The following SPIRE2 variants were observed in gnomAD, a reference collection of about 807,000 sequenced individuals.
The protein encoded by SPIRE2 is spire type actin nucleation factor 2.
SPIRE2 carries 76 observed loss-of-function variants against 80.7 expected under a neutral mutation model. The ratio of observed to expected loss-of-function variants is 0.94; its 90% CI spans 0.78 to 1.14. The LOEUF (loss-of-function observed/expected upper bound fraction) is 1.14, where lower values mean the gene tolerates loss of function less well. Among genes scored for constraint, SPIRE2 ranks in the 50% most tolerant of loss-of-function variants. The pLI, the probability that SPIRE2 is intolerant of heterozygous loss-of-function variation, is 0.00. For missense variants in SPIRE2, 1,196 were observed against 1,015.3 expected, an observed-to-expected ratio of 1.18 and a Z score of -2.42; for synonymous variants, 535 against 432.6, an observed-to-expected ratio of 1.24 and a Z score of -2.94.
chr16:89,861,660 T>C (rs1251183099), intron 10 of SPIRE2, among the ~76,000 whole-genome samples: 1 of 152,224 alleles, frequency 6.6e-6, no homozygotes. Flanking sequence ...TGTGTGGCCA[T>C]GGCTCAGGGT....
rs183840174 is a variant in SPIRE2 at position 89,857,200 on chromosome 16, C to T, written c.1102+964C>T. On this transcript the variant is annotated intron_variant, in intron 7 of 14. Coordinates refer to ENST00000378247, the MANE Select transcript of SPIRE2 (RefSeq NM_032451.2). The stretch of plus-strand genomic sequence containing the variant: ...CACCCCGGCTGTAGTGCAGTGGCAC[C>T]ATTATAGTTCACTGCAGCCTCAACC... 6.7e-3 allele frequency among the ~76,000 whole-genome samples: 1,001 copies of T among 149,148 alleles called. 9 individuals are homozygous for T. Among genetic ancestry groups the T allele is most frequent in the Admixed American group, 0.016 (235 of 14,948 alleles).
chr16:89,870,251 C>T lies in SPIRE2; in HGVS notation c.2124C>T (p.Thr708=). 1 of 1,598,876 alleles carries T rather than the reference C, an allele frequency of 6.3e-7. No individual in the cohort carries two copies. Among genetic ancestry groups the T allele is most frequent in the South Asian group, 1.1e-5 (1 of 88,672 alleles). Reference sequence around the variant, plus strand: ...CCCAATCCCTCTACATCCCTAACACCAGGACTCTTGACTTCAAGTGACAGC... The same window carrying T: ...CCCAATCCCTCTACATCCCTAACACTAGGACTCTTGACTTCAAGTGACAGC... ...RQTQSLYIPN[T]RTLDFK Residue 708 remains threonine (T), a synonymous_variant, in exon 15 of 15, where the codon ACC becomes ACT. Transcript: ENST00000378247.
rs915244572 is a variant in SPIRE2, at chr16:89,831,003, G to A, written c.244+2209G>A. 4.7e-5 allele frequency among the ~76,000 whole-genome samples: 7 copies of A among 148,070 alleles called. 1 individual carries two copies. The highest frequency in any genetic ancestry group is 1.7e-4 in the African/African-American group (7 of 40,662). ...CTGCTCACTGCAAGCTCCACCTCCC[G>A]GGTTCACGCCATTCTCCTGCCTCAG... On this transcript the variant is annotated intron_variant, in intron 1 of 14. Transcript: ENST00000378247.
chr16:89,850,408 C>T lies in SPIRE2; in HGVS notation c.393C>T (p.Leu131=). The T allele has an allele frequency of 6.3e-7, 1 of 1,594,538 alleles. No homozygotes were observed. Among genetic ancestry groups the T allele is most frequent in the Non-Finnish European group, 8.5e-7 (1 of 1,171,988 alleles). ...CTCAGCTGGAGCGGCTCATCGACCT[C>T]ATGGCCAACAACGACAGCGAGGACA... ...LSPQLERLID[L]MANNDSEDSG... is the part of the protein sequence containing the mutation. The change falls in exon 3 of 15, where the codon CTC becomes CTT. Residue 131 remains leucine (L), a synonymous_variant. Coordinates refer to ENST00000378247, the MANE Select transcript of SPIRE2 (RefSeq NM_032451.2).
chr16:89,851,519 C>G (rs370499539), intron 3 of SPIRE2, among the ~76,000 whole-genome samples: 1 of 152,134 alleles, frequency 6.6e-6, no homozygotes, highest in African/African-American at 2.4e-5. Context: ...GACCCTTGCC[C>G]GAAGCCACAA....
chr16:89,850,494 G>C lies in SPIRE2; in HGVS notation c.479G>C (p.Gly160Ala), dbSNP rs1309832452. ...GGPEEEEEAE[G>A]VPRSVRTFAQ... ...CCCGAGGAGGAGGAGGAGGCCGAGG[G>C]CGTCCCCCGCAGCGTGCGCACCTTT... Residue 160 changes from glycine to alanine, a missense_variant, in exon 3 of 15, where the codon GGC (glycine) becomes GCC (alanine). Physicochemically the swap from Gly to Ala is moderately conservative, Grantham distance 60 (BLOSUM62 0). Coordinates refer to ENST00000378247, the MANE Select transcript of SPIRE2 (RefSeq NM_032451.2). 2 of 1,531,008 alleles carry C rather than the reference G, an allele frequency of 1.3e-6. No individual in the cohort carries two copies. The highest frequency in any genetic ancestry group is 1.8e-6 in the Non-Finnish European group (2 of 1,141,346). The allele number at this position is 1,531,008 out of a possible 1,614,324, so 94.8% of individuals were successfully genotyped here. A position where few individuals can be genotyped will look rare whatever the true frequency, so the allele number is the denominator to read the frequency against.
At chr16:89,845,185 C>A (rs1598222432) in intron 1 of SPIRE2, 137 bp from the exon 2 acceptor site, 1 of 790,812 alleles carries the variant, frequency 1.3e-6, no homozygotes, top group Non-Finnish European at 2.2e-6. Flanking sequence ...AGTGGCTGGG[C>A]CTGCTGTGAG....
At chr16:89,856,341 G>A (rs772218352) in intron 7 of SPIRE2, 105 bp downstream of exon 7, 41 of 1,280,002 alleles carry the variant, frequency 3.2e-5, no homozygotes, top group Non-Finnish European at 3.9e-5. Context: ...CCCTGAGGGC[G>A]CCTGAACCCA....
chr16:89,847,335 G>A (rs1430987189), intron 2 of SPIRE2, among the ~76,000 whole-genome samples: 3 of 152,178 alleles, frequency 2.0e-5, no homozygotes, highest in Non-Finnish European at 2.9e-5. Context: ...TCCGGTTGTC[G>A]TGTGTCTCAC....
chr16:89,859,347 A>G lies in SPIRE2; in HGVS notation c.1455A>G (p.Arg485=). The part of the protein sequence containing the change: ...GSAHVWRPGS[R]DQGTCPASVS... Reference sequence around the variant, plus strand: ...CGCATGTGTGGAGGCCCGGCTCCCGAGACCAGGGCAAGTGCTGCTTCTCAC... The same window carrying G: ...CGCATGTGTGGAGGCCCGGCTCCCGGGACCAGGGCAAGTGCTGCTTCTCAC... The change falls in exon 9 of 15, where the codon CGA becomes CGG. Residue 485 remains arginine (R), a synonymous_variant. Transcript: ENST00000378247. The G allele has an allele frequency of 6.4e-7, 1 of 1,561,296 alleles. No individual in the cohort carries two copies. Among genetic ancestry groups the G allele is most frequent in the Non-Finnish European group, 8.6e-7 (1 of 1,158,674 alleles).
Position 89,840,496 on chromosome 16 carries a change from G to A in SPIRE2, c.245-4826G>A, listed in dbSNP as rs181942928. On this transcript the variant is annotated intron_variant, in intron 1 of 14. Coordinates refer to ENST00000378247, the MANE Select transcript of SPIRE2 (RefSeq NM_032451.2). ...GATCTCCTGACCTTGGGATCCGCCCGCCTCGGCCTCCCAAAGTGCTGGATT... is the reference window on the plus strand; with the variant it reads ...GATCTCCTGACCTTGGGATCCGCCCACCTCGGCCTCCCAAAGTGCTGGATT... Among the ~76,000 whole-genome samples the A allele has an allele frequency of 1.1e-3, 173 of 151,320 alleles. No individual in the cohort carries two copies. In the South Asian group the frequency reaches 0.011, roughly 10 times the overall value.
At chr16:89,858,297 C>G in intron 7 of SPIRE2, 41 bp from the exon 8 acceptor site, 1 of 1,518,588 alleles carries the variant, frequency 6.6e-7, no homozygotes, top group Non-Finnish European at 8.8e-7. Flanking sequence ...TGCTGTCTCC[C>G]CGTTCACTGG....
At chr16:89,844,978 GGCTGCTCTCCAGCCCTGACTC>G (rs1338962806) in intron 1 of SPIRE2, among the ~76,000 whole-genome samples, 2 of 152,210 alleles carry the variant, frequency 1.3e-5, no homozygotes, top group East Asian at 3.8e-4. Context: ...GGGACCTGTT[GGCTGCTCTCCAGCCCTGACTC>G]GCCTTTGAGT....
intron 1 of SPIRE2, among the ~76,000 whole-genome samples, chr16:89,831,900 C>T (rs181819667): frequency 7.1e-6 from 1 of 140,070 alleles, no homozygotes; most frequent in East Asian, 1.9e-4. Flanking sequence ...GATGTCTAAG[C>T]CTTCCCAACC....
intron 3 of SPIRE2, among the ~76,000 whole-genome samples, chr16:89,851,903 T>C (rs2041631547): frequency 6.6e-6 from 1 of 152,044 alleles, no homozygotes; most frequent in Non-Finnish European, 1.5e-5. Flanking sequence ...GGAAGGTTCC[T>C]GGCCAGCTTC....
At position 89,863,814 on chromosome 16, in the gene SPIRE2, C is replaced by T. The variant is rs1320646945; in HGVS notation, c.1731C>T (p.Ala577=). Residue 577 remains alanine (A), a synonymous_variant, in exon 12 of 15, where the codon GCC becomes GCT. Transcript: ENST00000378247. The surrounding 1 kb of genome is among the most constrained non-coding windows in gnomAD (Gnocchi z 4.3). The stretch of plus-strand genomic sequence containing the variant: ...GACAGATTTGCTGCTGCTGCCGGGC[C>T]AAGTTCCCGCTGTTCTCGTGGCCGC... ...KKGKICCCCR[A]KFPLFSWPPS... The T allele has an allele frequency of 6.2e-7, 1 of 1,614,056 alleles. No homozygotes were observed. The highest frequency in any genetic ancestry group is 2.2e-5 in the East Asian group (1 of 44,874).
intron 1 of SPIRE2, among the ~76,000 whole-genome samples, chr16:89,833,595 C>T (rs1375538539): frequency 4.6e-5 from 7 of 152,248 alleles, no homozygotes; most frequent in Non-Finnish European, 7.3e-5. Context: ...TGAGAAGCTT[C>T]GCCTTTGTGC....
At chr16:89,832,874 T>G (rs2041400162) in intron 1 of SPIRE2, among the ~76,000 whole-genome samples, 1 of 151,926 alleles carries the variant, frequency 6.6e-6, no homozygotes, top group African/African-American at 2.4e-5. Flanking sequence ...CAGGCTGGAG[T>G]GCAATGGCAT....
rs372332983 is a variant in SPIRE2 at position 89,850,357 on chromosome 16, C to G, written c.342C>G (p.Asp114Glu). The G allele has an allele frequency of 3.0e-5, 48 of 1,599,638 alleles. No homozygotes were observed. Among genetic ancestry groups the G allele is most frequent in the Non-Finnish European group, 3.9e-5 (46 of 1,174,940 alleles). ...AIYRALDWGL[D>E]ESEERELSPQ... ...ACCGCGCGCTGGACTGGGGGCTGGA[C>G]GAGAGCGAGGAGCGCGAACTCAGCC... The change falls in exon 3 of 15, where the codon GAC (aspartate) becomes GAG (glutamate). Residue 114 changes from aspartate to glutamate, a missense_variant. Coordinates refer to ENST00000378247, the MANE Select transcript of SPIRE2 (RefSeq NM_032451.2).
Sources: allele counts gnomAD v4.1 joint callset (sites outside exome capture counted in the v4.1 genomes callset), GRCh38; gene constraint gnomAD v4.1.1; non-coding constraint Gnocchi (gnomAD v3.1); transcripts MANE v1.5; gene names NCBI Gene and HGNC (gene_info 2026-07-23, HGNC 2026-07-21).